The following ZNF214 variants were observed in gnomAD, a reference collection of about 807,000 sequenced individuals.
ZNF214 encodes the protein zinc finger protein 214, also known as BWSCR2-associated zinc finger protein 1.
ZNF214 carries 43 observed loss-of-function variants against 53.9 expected under a neutral mutation model. The ratio of observed to expected loss-of-function variants is 0.80; its 90% CI spans 0.63 to 1.03. The LOEUF is 1.03. Ranked by LOEUF, ZNF214 falls within the 50% of genes least tolerant of loss-of-function variation. The pLI is 0.00. For missense variants in ZNF214, 724 were observed against 719.1 expected (o/e 1.01, Z -0.08); for synonymous variants, 217 against 229.5 (o/e 0.95, Z 0.49).
At position 7,000,187 on chromosome 11, in the gene ZNF214, T is replaced by A. The variant is rs1435962621; in HGVS notation, c.1496A>T (p.Lys499Ile). The change falls in exon 3 of 3, where the codon AAA becomes ATA. Residue 499 changes from lysine to isoleucine, a missense_variant. Physicochemically the swap from Lys to Ile is moderately radical, Grantham distance 102. Transcript: ENST00000278314. ...QRVHTGEKPY[K>I]CEECGKGFSQ... Reference sequence around the variant, plus strand: ...GAATCCCTTGCCACACTCTTCACATTTGTAGGGTTTCTCTCCAGTATGTAC... The same window carrying A: ...GAATCCCTTGCCACACTCTTCACATATGTAGGGTTTCTCTCCAGTATGTAC... 6.2e-7 allele frequency: 1 copy of A among 1,613,330 alleles called. No individual in the cohort carries two copies. The highest frequency in any genetic ancestry group is 1.7e-5 in the Admixed American group (1 of 59,860).
At chr11:7,011,061 C>A (rs1851596497) in intron 1 of ZNF214, among the ~76,000 whole-genome samples, 1 of 151,824 alleles carries the variant, frequency 6.6e-6, no homozygotes, top group African/African-American at 2.4e-5. Flanking sequence ...CTCCCTAATC[C>A]CAAGGCTCTA....
chr11:7,012,008 A>C (rs1180382416), intron 1 of ZNF214, among the ~76,000 whole-genome samples: 1 of 152,192 alleles, frequency 6.6e-6, no homozygotes, highest in Non-Finnish European at 1.5e-5. Flanking sequence ...TAAATTCAAT[A>C]CATTCCAGTC....
intron 1 of ZNF214, among the ~76,000 whole-genome samples, chr11:7,006,473 G>A (rs372642800): frequency 3.8e-4 from 58 of 151,998 alleles, no homozygotes; most frequent in African/African-American, 1.4e-3. Context: ...TTCTAATATT[G>A]TCAGATTTTG....
Position 7,000,893 on chromosome 11 carries a change from T to C in ZNF214, c.790A>G (p.Arg264Gly). 6.2e-7 allele frequency: 1 copy of C among 1,613,230 alleles called. No homozygotes were observed. Among genetic ancestry groups the C allele is most frequent in the Non-Finnish European group, 8.5e-7 (1 of 1,179,570 alleles). The change falls in exon 3 of 3, where the codon AGA becomes GGA. Residue 264 changes from arginine (R) to glycine (G), a missense_variant. Coordinates refer to ENST00000278314, the MANE Select transcript of ZNF214 (RefSeq NM_013249.4). ...TTACCTATGTGGTTTCTTGGATGTCTATACAAGTCTGATCTCTGAGAGAAG... is the reference window on the plus strand; with the variant it reads ...TTACCTATGTGGTTTCTTGGATGTCCATACAAGTCTGATCTCTGAGAGAAG... ...ACFSQRSDLYRHPRNHIGKKL... is the reference protein window; with the variant it reads ...ACFSQRSDLYGHPRNHIGKKL...
chr11:7,011,514 A>G lies in ZNF214; in HGVS notation c.-21+8559T>C, dbSNP rs180710781. ...CTCTTAAAAACACTTGTAGCAAACT[A>G]GAGGAAAAAAATAAACTCCCTAAAG... is the stretch of plus-strand genomic sequence containing the variant. On this transcript the variant is annotated intron_variant, in intron 1 of 2. Coordinates refer to ENST00000278314, the MANE Select transcript of ZNF214 (RefSeq NM_013249.4). 8.4e-4 allele frequency among the ~76,000 whole-genome samples: 128 copies of G among 152,198 alleles called. 1 individual carries two copies. Among genetic ancestry groups the G allele is most frequent in the African/African-American group, 2.9e-3 (121 of 41,578 alleles).
At chr11:7,018,744 C>T (rs1300490235) in intron 1 of ZNF214, among the ~76,000 whole-genome samples, 1 of 152,012 alleles carries the variant, frequency 6.6e-6, no homozygotes, top group Non-Finnish European at 1.5e-5. Flanking sequence ...TCAAGTGATC[C>T]GCCCACCTTG....
chr11:7,018,428 T>G (rs1193253213), intron 1 of ZNF214, among the ~76,000 whole-genome samples: 1 of 151,886 alleles, frequency 6.6e-6, no homozygotes, highest in Non-Finnish European at 1.5e-5. Flanking sequence ...ATTCTGGCAC[T>G]GTTTAATGTC....
rs1159720969 is a variant in ZNF214 at position 6,998,011 on chromosome 11, T to A, written c.*1851A>T. On this transcript the variant is annotated 3_prime_UTR_variant, in exon 3 of 3. Coordinates refer to ENST00000278314, the MANE Select transcript of ZNF214 (RefSeq NM_013249.4). The stretch of plus-strand genomic sequence containing the variant: ...TATCACTAGTCCTTTTATACCATGA[T>A]TTCCACATTCACAAACTCTCTTTAA... 1.3e-5 allele frequency among the ~76,000 whole-genome samples: 2 copies of A among 151,966 alleles called. No homozygotes were observed. The highest frequency in any genetic ancestry group is 2.9e-5 in the Non-Finnish European group (2 of 67,894).
intron 1 of ZNF214, among the ~76,000 whole-genome samples, chr11:7,016,282 C>T (rs1327856346): frequency 3.9e-5 from 6 of 152,084 alleles, no homozygotes; most frequent in East Asian, 1.9e-4. Context: ...CAATCTAGTT[C>T]ACAGTATTAA....
rs1367760009 is a variant in ZNF214, at chr11:6,999,854, A to G, written c.*8T>C. The G allele has an allele frequency of 2.5e-6, 4 of 1,591,144 alleles. No individual in the cohort carries two copies. Among genetic ancestry groups the G allele is most frequent in the Non-Finnish European group, 3.4e-6 (4 of 1,168,710 alleles). Reference sequence around the variant, plus strand: ...TTTGATTAAAGCTGTTAACTAAATGAACAATATTTATAAGTTTCCTCTTCT... The same window carrying G: ...TTTGATTAAAGCTGTTAACTAAATGGACAATATTTATAAGTTTCCTCTTCT... On this transcript the variant is annotated 3_prime_UTR_variant, in exon 3 of 3. Coordinates refer to ENST00000278314, the MANE Select transcript of ZNF214 (RefSeq NM_013249.4).
intron 1 of ZNF214, among the ~76,000 whole-genome samples, chr11:7,007,059 G>A (rs1355616053): frequency 6.6e-6 from 1 of 151,846 alleles, no homozygotes; most frequent in Non-Finnish European, 1.5e-5. Flanking sequence ...CTACATATCT[G>A]AACTACAATT....
intron 1 of ZNF214, chr11:7,016,133 T>C (rs1238903257): frequency 6.6e-6 from 1 of 152,162 alleles, no homozygotes; most frequent in African/African-American, 2.4e-5. Flanking sequence ...TAGCTAACAA[T>C]GCAATCAATT....
chr11:7,013,667 C>A (rs949689051), intron 1 of ZNF214, among the ~76,000 whole-genome samples: 4 of 152,124 alleles, frequency 2.6e-5, no homozygotes, highest in African/African-American at 9.7e-5. Context: ...CTCCTTTTCT[C>A]TCTCACTGTC....
At chr11:7,003,249 C>G (rs983573679) in intron 1 of ZNF214, among the ~76,000 whole-genome samples, 50 of 151,990 alleles carry the variant, frequency 3.3e-4, no homozygotes, top group African/African-American at 1.1e-3. Flanking sequence ...GTGACAAAGC[C>G]ATTTTATTTT....
rs1308856670 is a variant in ZNF214, at chr11:6,998,375, A to T, written c.*1487T>A. On this transcript the variant is annotated 3_prime_UTR_variant, in exon 3 of 3. Transcript: ENST00000278314. The stretch of plus-strand genomic sequence containing the variant: ...CTTAATGTCTTTGATCATTGATTCT[A>T]TGCCAAATGTTCTTTCACCTTCCTT... Among the ~76,000 whole-genome samples the T allele has an allele frequency of 6.6e-6, 1 of 151,922 alleles. No individual in the cohort carries two copies. The highest frequency in any genetic ancestry group is 1.5e-5 in the Non-Finnish European group (1 of 67,910).
At position 7,000,330 on chromosome 11, in the gene ZNF214, A is replaced by G; in HGVS notation, c.1353T>C (p.Phe451=). ...GAATGCGAAGATCTGAGCTGTGACTAAAGTCCTTTCCACAGTCATCACATT... is the reference window on the plus strand; with the variant it reads ...GAATGCGAAGATCTGAGCTGTGACTGAAGTCCTTTCCACAGTCATCACATT... ...PYKCDDCGKD[F]SHSSDLRIHQ... The change falls in exon 3 of 3, where the codon TTT becomes TTC. Residue 451 remains phenylalanine (F), a synonymous_variant. Transcript: ENST00000278314. 3 of 1,613,298 alleles carry G rather than the reference A, an allele frequency of 1.9e-6. No homozygotes were observed. Among genetic ancestry groups the G allele is most frequent in the African/African-American group, 1.3e-5 (1 of 74,924 alleles).
Position 6,999,989 on chromosome 11 carries a change from T to C in ZNF214, c.1694A>G (p.His565Arg), listed in dbSNP as rs201920391. Residue 565 changes from histidine (H) to arginine (R), a missense_variant, in exon 3 of 3, where the codon CAT (histidine) becomes CGT (arginine). His to Arg is a conservative substitution (Grantham distance 29, BLOSUM62 0). Coordinates refer to ENST00000278314, the MANE Select transcript of ZNF214 (RefSeq NM_013249.4). ...TTGATGAATTCGAAGAGCTGAGCTA[T>C]GACTGAAACCTTTACCACACTTAGC... ...QCAKCGKGFS[H>R]SSALRIHQRV... 6.8e-6 allele frequency: 11 copies of C among 1,613,328 alleles called. No homozygotes were observed. The East Asian group carries it at 1.3e-4, about 20-fold the overall frequency.
In ZNF214 at chr11:7,000,701, C is replaced by A; in HGVS notation, c.982G>T (p.Glu328Ter). 6.2e-7 allele frequency: 1 copy of A among 1,605,398 alleles called. No homozygotes were observed. The highest frequency in any genetic ancestry group is 8.5e-7 in the Non-Finnish European group (1 of 1,177,506). The change falls in exon 3 of 3, where the codon GAG becomes TAG. Residue 328 changes from glutamate to a stop codon, truncating the protein, a stop_gained. Transcript: ENST00000278314. LOFTEE classifies it high-confidence loss of function. ...TCACACTCAATTTTATAGAATTTCT[C>A]TTCTGTGTGGACTCTTTGATGATTG... ...LHNHQRVHTE[E>*]KFYKIECDKD...
intron 1 of ZNF214, among the ~76,000 whole-genome samples, chr11:7,013,161 T>A (rs754321861): frequency 6.6e-6 from 1 of 152,176 alleles, no homozygotes; most frequent in Non-Finnish European, 1.5e-5. Context: ...AAAAGCTGCA[T>A]TGTTTTTATG....
Sources: allele counts gnomAD v4.1 joint callset (sites outside exome capture counted in the v4.1 genomes callset), GRCh38; gene constraint gnomAD v4.1.1; transcripts MANE v1.5; gene names NCBI Gene and HGNC (gene_info 2026-07-23, HGNC 2026-07-21).